PKIG: variants seen among roughly 807,000 people sequenced by gnomAD.
PKIG encodes the protein protein kinase (cAMP-dependent, catalytic) inhibitor gamma.
Under a neutral mutation model 6.8 loss-of-function variants are expected in PKIG, and 1 was observed. That is an observed-to-expected ratio of 0.15 (90% CI 0.05 to 0.69). The LOEUF (loss-of-function observed/expected upper bound fraction) is 0.69, where lower values mean the gene tolerates loss of function less well. PKIG is among the 30% of genes least tolerant of loss of function. The pLI, the probability that PKIG is intolerant of heterozygous loss-of-function variation, is 0.82. For missense variants in PKIG, 77 were observed against 104.0 expected (o/e 0.74, Z 1.13); for synonymous variants, 39 against 43.0 (o/e 0.91, Z 0.36).
intron 1 of PKIG, chr20:44,531,994 GCGGCCGGTTGC>G (rs942147961): frequency 1.1e-4 from 16 of 152,240 alleles, no homozygotes; most frequent in African/African-American, 2.9e-4. Context: ...CAGGAGCCGG[GCGGCCGGTTGC>G]GGCCCCAACG....
rs2064600138 is a variant in PKIG, at chr20:44,544,996, C to CCAGT, written c.-241+13018_-241+13019insCAGT. 3.3e-5 allele frequency among the ~76,000 whole-genome samples: 4 copies of CCAGT among 122,728 alleles called. No individual in the cohort carries two copies. The South Asian group carries it at 1.0e-3, about 32-fold the overall frequency. 80.5% of individuals were successfully genotyped at this position (122,728 alleles called of 152,430 possible). ...TGTGGCCTGAGCTGGAGTACGGTGG[C>CCAGT]ACAATCTTGGTTCACTACAACCTCC... On this transcript the variant is annotated intron_variant, in intron 1 of 4. Transcript: ENST00000372887.
chr20:44,538,548 A>G (rs1005378590), intron 1 of PKIG, among the ~76,000 whole-genome samples: 6 of 152,212 alleles, frequency 3.9e-5, no homozygotes, highest in Non-Finnish European at 8.8e-5. Flanking sequence ...TATTTTATCT[A>G]TACTGCCTAC....
Position 44,611,520 on chromosome 20 carries a change from CT to C in PKIG, c.-23-2998del, listed in dbSNP as rs1330858238. On this transcript the variant is annotated intron_variant, in intron 2 of 3. Transcript: ENST00000372886. ...GTTGTATTCTCTCCTTCTATATCAA[CT>C]TTTTTTTTTTTTTTTGACAGAGTTT... 2.9e-3 allele frequency among the ~76,000 whole-genome samples: 407 copies of C among 141,374 alleles called. 1 individual carries two copies. The highest frequency in any genetic ancestry group is 0.015 in the South Asian group (66 of 4,388). 92.7% of individuals were successfully genotyped at this position (141,374 alleles called of 152,430 possible).
At chr20:44,591,179 G>A (rs918357748) in intron 2 of PKIG, among the ~76,000 whole-genome samples, 3 of 152,094 alleles carry the variant, frequency 2.0e-5, no homozygotes, top group African/African-American at 7.2e-5. Context: ...AAGAGTGGGC[G>A]GGGACAGGCT....
chr20:44,533,573 G>C (rs963311668), intron 1 of PKIG, among the ~76,000 whole-genome samples: 4 of 152,128 alleles, frequency 2.6e-5, no homozygotes, highest in Non-Finnish European at 5.9e-5. Context: ...GTTAGCTATC[G>C]TGGGGATGTT....
At chr20:44,534,551 C>T (rs1240777008) in intron 1 of PKIG, among the ~76,000 whole-genome samples, 1 of 151,764 alleles carries the variant, frequency 6.6e-6, no homozygotes, top group African/African-American at 2.4e-5. Flanking sequence ...TCACTGCAGC[C>T]TCTGCCTCCT....
chr20:44,602,095 T>C (rs1012856388), intron 2 of PKIG, among the ~76,000 whole-genome samples: 3 of 152,224 alleles, frequency 2.0e-5, no homozygotes, highest in Non-Finnish European at 4.4e-5. Context: ...GTCAATCACA[T>C]GTCTGGCAAT....
intron 1 of PKIG, among the ~76,000 whole-genome samples, chr20:44,565,661 CT>C (rs1184103346): frequency 3.3e-5 from 5 of 152,200 alleles, no homozygotes; most frequent in Admixed American, 6.5e-5. Flanking sequence ...CATTCATAAT[CT>C]TTATATCCTT....
intron 3 of PKIG, among the ~76,000 whole-genome samples, chr20:44,615,968 C>A (rs1456086852): frequency 6.6e-6 from 1 of 152,178 alleles, no homozygotes; most frequent in Admixed American, 6.5e-5. Flanking sequence ...TTCCCTGTCC[C>A]ATAATCTATT....
intron 1 of PKIG, among the ~76,000 whole-genome samples, chr20:44,534,166 A>G (rs1002411622): frequency 2.0e-5 from 3 of 152,198 alleles, no homozygotes; most frequent in Admixed American, 6.5e-5. Context: ...GCTGTTGGCA[A>G]AGAGCCAGTG....
At chr20:44,553,498 G>T (rs552781004) in intron 1 of PKIG, among the ~76,000 whole-genome samples, 1 of 152,218 alleles carries the variant, frequency 6.6e-6, no homozygotes, top group Admixed American at 6.5e-5. Context: ...TTCACAGATG[G>T]ATTTCAGATA....
intron 1 of PKIG, among the ~76,000 whole-genome samples, chr20:44,561,731 C>T (rs79493594): frequency 0.021 from 3,215 of 152,154 alleles, 51 homozygotes; most frequent in Non-Finnish European, 0.03. Flanking sequence ...GATCCTCCCA[C>T]CTCAGGTAAA....
chr20:44,607,372 TATA>T (rs1268130173), intron 2 of PKIG, among the ~76,000 whole-genome samples: 45 of 118,050 alleles, frequency 3.8e-4, no homozygotes, highest in African/African-American at 1.4e-3. Flanking sequence ...TATATATATA[TATA>T]TATTTTTTTT....
At chr20:44,545,358 A>G (rs1011103261) in intron 1 of PKIG, among the ~76,000 whole-genome samples, 4 of 152,208 alleles carry the variant, frequency 2.6e-5, no homozygotes, top group African/African-American at 9.6e-5. Context: ...AAATAATTAA[A>G]TATTATGTTA....
upstream of PKIG, among the ~76,000 whole-genome samples, chr20:44,581,047 A>G (rs557718905): frequency 5.3e-5 from 8 of 152,140 alleles, no homozygotes; most frequent in Non-Finnish European, 1.0e-4. Context: ...GGCTGCGGCA[A>G]CCACTTTGAG....
chr20:44,603,720 T>C (rs1476740543), intron 2 of PKIG, among the ~76,000 whole-genome samples: 1 of 152,176 alleles, frequency 6.6e-6, no homozygotes, highest in Non-Finnish European at 1.5e-5. Context: ...CAACAACTTT[T>C]CATTAATTGA....
chr20:44,601,669 CT>C (rs1035221233), intron 2 of PKIG, among the ~76,000 whole-genome samples: 2 of 152,210 alleles, frequency 1.3e-5, no homozygotes, highest in Non-Finnish European at 2.9e-5. Context: ...TTGCCCACCC[CT>C]GATAAAACTT....
chr20:44,546,634 CCT>C (rs796944011), intron 1 of PKIG, among the ~76,000 whole-genome samples: 5 of 149,408 alleles, frequency 3.3e-5, no homozygotes, highest in African/African-American at 1.3e-4. Context: ...ATCACTGTAG[CCT>C]CTACCTTCCC....
intron 1 of PKIG, among the ~76,000 whole-genome samples, chr20:44,558,634 CTTTCT>C (rs1293241278): frequency 7.6e-6 from 1 of 132,256 alleles, no homozygotes; most frequent in Non-Finnish European, 1.6e-5. Flanking sequence ...CTTTTTCATT[CTTTCT>C]TTTTTTCTTT....
Sources: allele counts gnomAD v4.1 joint callset (sites outside exome capture counted in the v4.1 genomes callset), GRCh38; gene constraint gnomAD v4.1.1; transcripts MANE v1.5; gene names NCBI Gene and HGNC (gene_info 2026-07-23, HGNC 2026-07-21).